The following ANKRD62 variants were observed in gnomAD, a reference collection of about 807,000 sequenced individuals.
ANKRD62 encodes the protein ankyrin repeat domain-containing protein 62.
Under a neutral mutation model 98.8 loss-of-function variants are expected in ANKRD62, and 61 were observed. The observed-to-expected ratio is 0.62, with a 90% CI of 0.50 to 0.76. The LOEUF is 0.76. Ranked by LOEUF, ANKRD62 falls within the 30% of genes least tolerant of loss-of-function variation. ANKRD62 has a pLI of 0.00. For missense variants in ANKRD62, 933 were observed against 1,082.9 expected (o/e 0.86, Z 1.94); for synonymous variants, 341 against 367.9 (o/e 0.93, Z 0.84).
chr18:12,094,270 G>A lies in ANKRD62; in HGVS notation c.218+35G>A, dbSNP rs781251566. 3.3e-5 allele frequency: 48 copies of A among 1,455,602 alleles called. No homozygotes were observed. In the Middle Eastern group the frequency reaches 3.8e-3, roughly 116 times the overall value. 90.2% of individuals were successfully genotyped at this position (1,455,602 alleles called of 1,614,324 possible). On this transcript the variant is annotated intron_variant, in intron 1 of 13. Coordinates refer to ENST00000587848, the MANE Select transcript of ANKRD62 (RefSeq NM_001277333.2). ...ACAGGAAGCCGGGAGGAGGCCTGGG[G>A]ATATGGGAGAAGCCCCTGTTCCTGG...
the ANKRD62 span, among the ~76,000 whole-genome samples, chr18:12,169,494 G>T: frequency 6.6e-6 from 1 of 152,136 alleles, no homozygotes; most frequent in Admixed American, 6.5e-5. Context: ...ACTTGATCTT[G>T]GTGGATAAAC....
chr18:12,124,198 A>G lies in ANKRD62; in HGVS notation c.1516A>G (p.Ile506Val). 2.1e-6 allele frequency: 3 copies of G among 1,435,240 alleles called. No homozygotes were observed. Among genetic ancestry groups the G allele is most frequent in the Non-Finnish European group, 2.8e-6 (3 of 1,056,560 alleles). The allele number at this position is 1,435,240 out of a possible 1,614,324, so 88.9% of individuals were successfully genotyped here. A position where few individuals can be genotyped will look rare whatever the true frequency, so the allele number is the denominator to read the frequency against. The change falls in exon 12 of 14, where the codon ATA (isoleucine) becomes GTA (valine). Residue 506 changes from isoleucine (I) to valine (V), a missense_variant. Transcript: ENST00000587848. The stretch of plus-strand genomic sequence containing the variant: ...GGCTGAAGAGTTGTATGAAAAAGAT[A>G]TAGAAGAGTTAAAAATAATGGAAGA... ...IKAEELYEKD[I>V]EELKIMEEQY...
chr18:12,122,367 A>G lies in ANKRD62; in HGVS notation c.1305A>G (p.Gln435=), dbSNP rs1909799411. ...TAACGRSIED[Q]KCYCERLKVK... ...CATGTGGAAGATCAATAGAGGATCA[A>G]AAATGTTACTGTGAACGACTTAAAG... Residue 435 remains glutamine, a synonymous_variant, in exon 11 of 14, where the codon CAA becomes CAG. Transcript: ENST00000587848. The G allele has an allele frequency of 6.5e-7, 1 of 1,535,626 alleles. No homozygotes were observed. The highest frequency in any genetic ancestry group is 8.7e-7 in the Non-Finnish European group (1 of 1,146,738).
chr18:12,108,286 T>C (rs931642200), intron 8 of ANKRD62, among the ~76,000 whole-genome samples: 2 of 152,182 alleles, frequency 1.3e-5, no homozygotes, highest in African/African-American at 4.8e-5. Flanking sequence ...TCACAGTTCC[T>C]CCTGGCTGGG....
chr18:12,159,169 C>T, the ANKRD62 span, among the ~76,000 whole-genome samples: 2 of 152,044 alleles, frequency 1.3e-5, no homozygotes, highest in Non-Finnish European at 2.9e-5. Context: ...TGTAGTTAGA[C>T]CCTGCTTTGA....
the ANKRD62 span, among the ~76,000 whole-genome samples, chr18:12,166,524 G>T: frequency 6.6e-6 from 1 of 151,668 alleles, no homozygotes; most frequent in Non-Finnish European, 1.5e-5. Flanking sequence ...ATTCTGAATT[G>T]CTTCTCTGTG....
intron 8 of ANKRD62, among the ~76,000 whole-genome samples, chr18:12,109,852 A>T (rs1437407884): frequency 8.6e-5 from 13 of 152,036 alleles, no homozygotes; most frequent in Admixed American, 8.5e-4. Flanking sequence ...ACAATAAATG[A>T]ATAGGTGTCA....
the ANKRD62 span, among the ~76,000 whole-genome samples, chr18:12,156,035 A>G: frequency 6.6e-6 from 1 of 151,888 alleles, no homozygotes; most frequent in Non-Finnish European, 1.5e-5. Context: ...AAGGAGCCTG[A>G]TACTACCTTC....
intron 6 of ANKRD62, among the ~76,000 whole-genome samples, chr18:12,100,088 A>G (rs1909266550): frequency 6.6e-6 from 1 of 152,122 alleles, no homozygotes; most frequent in South Asian, 2.1e-4. Context: ...AGCCTTGAGT[A>G]GTGTGGGATT....
At chr18:12,111,834 A>G (rs1188870589) in intron 8 of ANKRD62, among the ~76,000 whole-genome samples, 5 of 152,186 alleles carry the variant, frequency 3.3e-5, no homozygotes, top group Admixed American at 2.6e-4. Context: ...ATAAAAACCT[A>G]GGAATACAGC....
chr18:12,102,902 T>G (rs1233705696), intron 6 of ANKRD62: 1 of 566,104 alleles, frequency 1.8e-6, no homozygotes, highest in Non-Finnish European at 2.5e-6. Flanking sequence ...GTGGATTCAT[T>G]TGTGAGCGAA....
chr18:12,095,372 A>G, intron 2 of ANKRD62, 65 bp from the exon 3 acceptor site: 1 of 1,534,102 alleles, frequency 6.5e-7, no homozygotes, highest in South Asian at 1.2e-5. Context: ...AAATGTGACT[A>G]GTTGGTGAAT....
intron 11 of ANKRD62, among the ~76,000 whole-genome samples, chr18:12,123,466 G>A (rs1278864763): frequency 1.1e-4 from 17 of 152,264 alleles, no homozygotes; most frequent in Non-Finnish European, 1.8e-4. Context: ...ACTTCTATGC[G>A]GAAGGCAGAT....
Position 12,094,200 on chromosome 18 carries a change from G to A in ANKRD62, c.183G>A (p.Arg61=). The part of the protein sequence containing the change: ...VNKVMESILL[R]LNDLNDRDKK... ...AGGTGATGGAGAGCATCTTGCTCAG[G>A]CTGAATGACTTGAACGACAGGGACA... The change falls in exon 1 of 14, where the codon AGG becomes AGA. Residue 61 remains arginine (R), a synonymous_variant. Coordinates refer to ENST00000587848, the MANE Select transcript of ANKRD62 (RefSeq NM_001277333.2). The A allele has an allele frequency of 1.3e-6, 2 of 1,530,862 alleles. No individual in the cohort carries two copies. The highest frequency in any genetic ancestry group is 2.5e-5 in the East Asian group (1 of 40,552). The allele number at this position is 1,530,862 out of a possible 1,614,324, so 94.8% of individuals were successfully genotyped here.
the ANKRD62 span, among the ~76,000 whole-genome samples, chr18:12,179,600 C>T: frequency 2.0e-5 from 3 of 151,612 alleles, no homozygotes; most frequent in African/African-American, 4.9e-5. Context: ...TGCAAATCTT[C>T]GCCTAAAACA....
At chr18:12,118,456 A>G (rs1180526659) in intron 10 of ANKRD62, among the ~76,000 whole-genome samples, 1 of 152,018 alleles carries the variant, frequency 6.6e-6, no homozygotes, top group Non-Finnish European at 1.5e-5. Flanking sequence ...TAAAAATACA[A>G]AAAGTAGCCG....
chr18:12,173,214 TC>T, the ANKRD62 span, among the ~76,000 whole-genome samples: 13 of 152,216 alleles, frequency 8.5e-5, no homozygotes, highest in African/African-American at 2.4e-4. Context: ...CTGGAGCTGT[TC>T]CTATTCAGCC....
At chr18:12,096,118 GATCTTAAC>G in intron 3 of ANKRD62, 70 bp from the exon 4 acceptor site, 1 of 958,478 alleles carries the variant, frequency 1.0e-6, no homozygotes, top group Non-Finnish European at 1.5e-6. Flanking sequence ...AAGTTCATAG[GATCTTAAC>G]ATAAGGTTTT....
chr18:12,171,864 C>T, the ANKRD62 span, among the ~76,000 whole-genome samples: 1 of 152,054 alleles, frequency 6.6e-6, no homozygotes. Context: ...CTCTAAACTT[C>T]TCGCTTCATT....
Sources: gnomAD v4.1 joint callset for allele counts (sites outside exome capture counted in the v4.1 genomes callset) on GRCh38, gnomAD v4.1.1 for gene constraint, MANE v1.5 for transcripts, NCBI Gene and HGNC (gene_info 2026-07-23, HGNC 2026-07-21) for gene names.